Variants in PSG2 observed in about 807,000 individuals in gnomAD.
PSG2 encodes pregnancy-specific beta-1-glycoprotein 2.
PSG2 carries 49 observed loss-of-function variants against 36.2 expected under a neutral mutation model. The observed-to-expected ratio is 1.35, with a 90% CI of 1.08 to 1.72. PSG2 has a LOEUF of 1.72. Ranked by LOEUF, PSG2 falls within the 40% of genes most tolerant of loss-of-function variation. The probability of loss-of-function intolerance (pLI) is 0.00; values close to 1 mark genes in which losing one functional copy is unlikely to be tolerated. For synonymous variants in PSG2, 261 were observed against 155.6 expected, an observed-to-expected ratio of 1.68 and a Z score of -5.04; for missense variants, 605 against 407.2, an observed-to-expected ratio of 1.49 and a Z score of -4.18.
intron 2 of PSG2, among the ~76,000 whole-genome samples, chr19:43,076,726 G>A (rs1324288904): frequency 1.3e-5 from 2 of 151,664 alleles, no homozygotes; most frequent in South Asian, 2.1e-4. Flanking sequence ...TGCAGGATAA[G>A]GAGGTTCTAG....
intron 1 of PSG2, chr19:43,082,202 G>A (rs1272532452): frequency 1.6e-5 from 4 of 257,182 alleles, no homozygotes; most frequent in African/African-American, 5.2e-5. Flanking sequence ...ATGCAGTGGC[G>A]CTATCTCGGC....
At chr19:43,081,294 G>T (rs777425638) in intron 1 of PSG2, 48 bp from the exon 2 acceptor site, 7 of 1,573,030 alleles carry the variant, frequency 4.5e-6, no homozygotes, top group African/African-American at 4.2e-5. Context: ...TATGTATTGG[G>T]GTGAAAAGAT....
chr19:43,081,024 C>G lies in PSG2; in HGVS notation c.287G>C (p.Ser96Thr), dbSNP rs1967964248. ...GQIIIYGPAY[S>T]GRETAYSNAS... The stretch of plus-strand genomic sequence containing the variant: ...ATTGGAATATGCTGTTTCTCGTCCA[C>G]TATATGCAGGCCCATATATAATTAT... Residue 96 changes from serine to threonine, a missense_variant, in exon 2 of 6, where the codon AGT (serine) becomes ACT (threonine). Ser to Thr is a moderately conservative substitution (Grantham distance 58). Coordinates refer to ENST00000406487, the MANE Select transcript of PSG2 (RefSeq NM_031246.4). 3.1e-6 allele frequency: 5 copies of G among 1,612,974 alleles called. No homozygotes were observed. Among genetic ancestry groups the G allele is most frequent in the South Asian group, 2.2e-5 (2 of 91,056 alleles).
At chr19:43,081,503 G>T (rs932853539) in intron 1 of PSG2, among the ~76,000 whole-genome samples, 2 of 151,300 alleles carry the variant, frequency 1.3e-5, no homozygotes, top group African/African-American at 4.9e-5. Context: ...TTGTGACCTT[G>T]GCATTTTTCT....
intron 2 of PSG2, among the ~76,000 whole-genome samples, chr19:43,079,669 G>A (rs1193361227): frequency 8.1e-6 from 1 of 123,168 alleles, no homozygotes; most frequent in African/African-American, 2.9e-5. Flanking sequence ...AGATCTGAGA[G>A]GGAGGCCTGC....
At chr19:43,067,548 CAAT>C (rs1967756791) in intron 4 of PSG2, among the ~76,000 whole-genome samples, 1 of 151,404 alleles carries the variant, frequency 6.6e-6, no homozygotes, top group Non-Finnish European at 1.5e-5. Flanking sequence ...TTAATCCACA[CAAT>C]AACCCTGTCA....
intron 2 of PSG2, 23 bp from the exon 3 acceptor site, chr19:43,075,655 A>T (rs1288519436): frequency 6.2e-7 from 1 of 1,602,868 alleles, no homozygotes; most frequent in South Asian, 1.1e-5. Context: ...CAGAGAGAAG[A>T]TTGCCCTGTG....
At chr19:43,066,422 A>G in intron 5 of PSG2, 95 bp downstream of exon 5, 1 of 890,954 alleles carries the variant, frequency 1.1e-6, no homozygotes, top group African/African-American at 1.7e-5. Context: ...GAAGGAGGAG[A>G]TGCAGTCCCA....
rs182614008 is a variant in PSG2, at chr19:43,066,123, G to A, written c.*40+394C>T. Among the ~76,000 whole-genome samples, 137 of 151,790 alleles carry A rather than the reference G, an allele frequency of 9.0e-4. 1 individual carries two copies. The highest frequency in any genetic ancestry group is 1.3e-3 in the Non-Finnish European group (91 of 67,970). ...TAACCAGATTTTAGAAAGGTAATGA[G>A]GCAATCATATGCAAGGAAGATTTCA... is the stretch of plus-strand genomic sequence containing the variant. On this transcript the variant is annotated intron_variant, in intron 5 of 5. Coordinates refer to ENST00000406487, the MANE Select transcript of PSG2 (RefSeq NM_031246.4).
intron 4 of PSG2, among the ~76,000 whole-genome samples, chr19:43,067,312 C>G (rs564801204): frequency 2.6e-5 from 4 of 151,338 alleles, no homozygotes; most frequent in African/African-American, 9.8e-5. Context: ...TCTTGTATGT[C>G]TAATCCCATC....
Position 43,081,007 on chromosome 19 carries a change from A to G in PSG2, c.304T>C (p.Tyr102His), listed in dbSNP as rs1336640324. 1 of 1,613,086 alleles carries G rather than the reference A, an allele frequency of 6.2e-7. No homozygotes were observed. The highest frequency in any genetic ancestry group is 8.5e-7 in the Non-Finnish European group (1 of 1,179,728). ...TGGATCAGCAGGGATGCATTGGAAT[A>G]TGCTGTTTCTCGTCCACTATATGCA... ...GPAYSGRETA[Y>H]SNASLLIQNV... is the part of the protein sequence containing the mutation. The change falls in exon 2 of 6, where the codon TAT (tyrosine) becomes CAT (histidine). Residue 102 changes from tyrosine (Y) to histidine (H), a missense_variant. By Grantham distance (83) the Tyr-to-His change is moderately conservative (BLOSUM62 2). Coordinates refer to ENST00000406487, the MANE Select transcript of PSG2 (RefSeq NM_031246.4).
chr19:43,068,152 G>C (rs1967766553), intron 4 of PSG2, among the ~76,000 whole-genome samples: 1 of 151,392 alleles, frequency 6.6e-6, no homozygotes, highest in Non-Finnish European at 1.5e-5. Context: ...AAATGAAAAT[G>C]GACTCTGAGC....
At chr19:43,067,535 C>T (rs189757906) in intron 4 of PSG2, among the ~76,000 whole-genome samples, 1 of 151,548 alleles carries the variant, frequency 6.6e-6, no homozygotes, top group East Asian at 1.9e-4. Flanking sequence ...CCCTGTATCT[C>T]ATTTAATCCA....
At chr19:43,075,233 G>A in intron 3 of PSG2, 121 bp downstream of exon 3, 2 of 1,596,864 alleles carry the variant, frequency 1.3e-6, no homozygotes, top group Admixed American at 3.4e-5. Flanking sequence ...GTCATGGCCA[G>A]CTTTGATGCC....
intron 3 of PSG2, chr19:43,072,375 C>T (rs1279971391): frequency 1.9e-6 from 3 of 1,612,576 alleles, no homozygotes; most frequent in Non-Finnish European, 2.5e-6. Context: ...GTGACTGGGT[C>T]ACTGTGGATG....
Position 43,081,152 on chromosome 19 carries a change from T to C in PSG2, c.159A>G (p.Leu53=), listed in dbSNP as rs781497357. The stretch of plus-strand genomic sequence containing the variant: ...GATTCTGGGGCAAATTGTGGACAAG[T>C]AGAAGAACATCCTTCCCCTCGGAAA... ...PKVSEGKDVL[L]LVHNLPQNLT... The change falls in exon 2 of 6, where the codon CTA becomes CTG. Residue 53 remains leucine, a synonymous_variant. Coordinates refer to ENST00000406487, the MANE Select transcript of PSG2 (RefSeq NM_031246.4). 1.9e-6 allele frequency: 3 copies of C among 1,612,840 alleles called. No individual in the cohort carries two copies. The highest frequency in any genetic ancestry group is 2.5e-6 in the Non-Finnish European group (3 of 1,179,656).
In PSG2 at chr19:43,075,210, C is replaced by T. The variant is rs146150905; in HGVS notation, c.709+144G>A. On this transcript the variant is annotated intron_variant, in intron 3 of 5. Transcript: ENST00000406487. Reference sequence around the variant, plus strand: ...TCAAGCCTAGGCCTATTCTGGTTTGCCTGGGGCAGAAAGTCATGGCCAGCT... The same window carrying T: ...TCAAGCCTAGGCCTATTCTGGTTTGTCTGGGGCAGAAAGTCATGGCCAGCT... 2.1e-5 allele frequency: 32 copies of T among 1,556,446 alleles called. No individual in the cohort carries two copies. In the East Asian group the frequency reaches 3.8e-4, roughly 19 times the overall value.
intron 2 of PSG2, among the ~76,000 whole-genome samples, chr19:43,080,169 G>C (rs758846869): frequency 2.0e-5 from 3 of 151,736 alleles, no homozygotes; most frequent in South Asian, 2.1e-4. Context: ...TACATCTTCT[G>C]TCTTCTGTTT....
intron 2 of PSG2, among the ~76,000 whole-genome samples, chr19:43,075,915 C>T (rs1358818140): frequency 5.9e-5 from 9 of 151,602 alleles, no homozygotes; most frequent in African/African-American, 2.2e-4. Context: ...GCCCCTGGTG[C>T]CTCTCTGAGT....
Sources: gnomAD v4.1 joint callset for allele counts (sites outside exome capture counted in the v4.1 genomes callset) on GRCh38, gnomAD v4.1.1 for gene constraint, MANE v1.5 for transcripts, NCBI Gene and HGNC (gene_info 2026-07-23, HGNC 2026-07-21) for gene names.